TACR1: variants seen among roughly 807,000 people sequenced by gnomAD.
TACR1 encodes substance-P receptor.
TACR1 carries 25 observed loss-of-function variants against 35.8 expected under a neutral mutation model. That is an observed-to-expected ratio of 0.70 (90% CI 0.51 to 0.98). TACR1 has a LOEUF of 0.98. Among genes scored for constraint, TACR1 ranks in the 50% least tolerant of loss-of-function variants. TACR1 has a pLI of 0.00. For missense variants in TACR1, 478 were observed against 522.9 expected (o/e 0.91, Z 0.84); for synonymous variants, 195 against 206.7 (o/e 0.94, Z 0.48).
At chr2:75,114,123 A>C (rs970278069) in intron 2 of TACR1, among the ~76,000 whole-genome samples, 1 of 152,218 alleles carries the variant, frequency 6.6e-6, no homozygotes, top group African/African-American at 2.4e-5. Flanking sequence ...TAACATATTC[A>C]TATTCACTCA....
chr2:75,049,957 A>G (rs1672435578), intron 4 of TACR1, among the ~76,000 whole-genome samples: 1 of 152,230 alleles, frequency 6.6e-6, no homozygotes, highest in South Asian at 2.1e-4. Flanking sequence ...TTTATGTGAA[A>G]TACGTCTTTA....
chr2:75,167,874 A>G (rs749600998), intron 1 of TACR1, among the ~76,000 whole-genome samples: 2 of 152,218 alleles, frequency 1.3e-5, no homozygotes, highest in African/African-American at 4.8e-5. Context: ...AAATTCAAAT[A>G]GAAAAATGAT....
intron 1 of TACR1, among the ~76,000 whole-genome samples, chr2:75,121,649 A>C (rs1264678573): frequency 6.6e-6 from 1 of 151,782 alleles, no homozygotes; most frequent in African/African-American, 2.4e-5. Context: ...TGATAAGCAC[A>C]TCAATTCTGC....
intron 1 of TACR1, among the ~76,000 whole-genome samples, chr2:75,173,784 T>C (rs958877159): frequency 6.6e-6 from 1 of 152,202 alleles, no homozygotes; most frequent in Non-Finnish European, 1.5e-5. Context: ...AGAAAGAACA[T>C]CCTTTGACTT....
At chr2:75,191,624 C>T (rs1675849624) in intron 1 of TACR1, among the ~76,000 whole-genome samples, 1 of 152,132 alleles carries the variant, frequency 6.6e-6, no homozygotes, top group African/African-American at 2.4e-5. Flanking sequence ...GAGTTAGAAA[C>T]CATGGTTATT....
intron 2 of TACR1, among the ~76,000 whole-genome samples, chr2:75,100,796 AAAT>A (rs1426948514): frequency 6.6e-6 from 1 of 152,074 alleles, no homozygotes; most frequent in African/African-American, 2.4e-5. Flanking sequence ...ATAAGTCAAA[AAAT>A]AATGTTCTTG....
intron 1 of TACR1, among the ~76,000 whole-genome samples, chr2:75,157,897 G>A (rs1328631316): frequency 6.6e-6 from 1 of 152,174 alleles, no homozygotes; most frequent in Non-Finnish European, 1.5e-5. Context: ...CTAGAGACAG[G>A]GAAGTAAGAG....
intron 1 of TACR1, among the ~76,000 whole-genome samples, chr2:75,173,602 A>G (rs936437740): frequency 6.6e-6 from 1 of 152,236 alleles, no homozygotes; most frequent in Non-Finnish European, 1.5e-5. Flanking sequence ...GAAGGAATTT[A>G]GCAGCTGCCA....
intron 1 of TACR1, among the ~76,000 whole-genome samples, chr2:75,166,393 CAT>C (rs1178940181): frequency 2.0e-5 from 3 of 152,152 alleles, no homozygotes; most frequent in South Asian, 2.1e-4. Flanking sequence ...AAATATTAAA[CAT>C]ATTTTAATGT....
At chr2:75,050,535 T>G (rs1672443525) in intron 4 of TACR1, among the ~76,000 whole-genome samples, 1 of 152,190 alleles carries the variant, frequency 6.6e-6, no homozygotes, top group East Asian at 1.9e-4. Flanking sequence ...TGCCTGCTTT[T>G]GGGAGCCCTC....
At chr2:75,122,682 T>G (rs1673993209) in intron 1 of TACR1, among the ~76,000 whole-genome samples, 1 of 152,218 alleles carries the variant, frequency 6.6e-6, no homozygotes, top group Non-Finnish European at 1.5e-5. Flanking sequence ...TATAAATCTC[T>G]GGGCAAGTTT....
rs146821156 is a variant in TACR1 at position 75,171,667 on chromosome 2, C to G, written c.389+26879G>C. 4.6e-4 allele frequency among the ~76,000 whole-genome samples: 70 copies of G among 152,334 alleles called. No individual in the cohort carries two copies. In the East Asian group the frequency reaches 0.014, roughly 29 times the overall value. ...AGAGCTGCCCAAGACCATGGGAGCC[C>G]TCCTCTTGCATCAGCGTGACCTGGA... On this transcript the variant is annotated intron_variant, in intron 1 of 4. Coordinates refer to ENST00000305249, the MANE Select transcript of TACR1 (RefSeq NM_001058.4).
chr2:75,153,405 T>A (rs1179880872), intron 1 of TACR1, among the ~76,000 whole-genome samples: 1 of 147,816 alleles, frequency 6.8e-6, no homozygotes, highest in Non-Finnish European at 1.5e-5. Context: ...CCTAAGTGGG[T>A]GACTGAGCTA....
chr2:75,153,047 G>A (rs577622933), intron 1 of TACR1, among the ~76,000 whole-genome samples: 13 of 152,198 alleles, frequency 8.5e-5, no homozygotes, highest in South Asian at 2.1e-4. Flanking sequence ...GACTACAGGC[G>A]TGCACCACCA....
At chr2:75,087,708 G>C (rs1028333015) in intron 2 of TACR1, among the ~76,000 whole-genome samples, 2 of 152,170 alleles carry the variant, frequency 1.3e-5, no homozygotes, top group South Asian at 4.1e-4. Context: ...TTGGGTTTCT[G>C]TTCACTTCCT....
rs114200566 is a variant in TACR1, at chr2:75,197,517, C to G, written c.389+1029G>C. Among the ~76,000 whole-genome samples the G allele has an allele frequency of 2.6e-5, 4 of 152,264 alleles. No homozygotes were observed. In the East Asian group the frequency reaches 5.8e-4, roughly 22 times the overall value. ...TCACATCCCAGGTAAACATTTAACA[C>G]CTGTGCACACATAGACATACACATT... On this transcript the variant is annotated intron_variant, in intron 1 of 4. Coordinates refer to ENST00000305249, the MANE Select transcript of TACR1 (RefSeq NM_001058.4).
intron 1 of TACR1, among the ~76,000 whole-genome samples, chr2:75,150,842 C>T (rs1674653652): frequency 6.6e-6 from 1 of 152,100 alleles, no homozygotes; most frequent in Non-Finnish European, 1.5e-5. Flanking sequence ...ATGGTTTTGC[C>T]CAAAATGTTG....
intron 1 of TACR1, among the ~76,000 whole-genome samples, chr2:75,161,712 CTA>C (rs1675013914): frequency 6.6e-6 from 1 of 152,034 alleles, no homozygotes; most frequent in Non-Finnish European, 1.5e-5. Context: ...AGCATAGTCA[CTA>C]TTACATGAAA....
intron 3 of TACR1, among the ~76,000 whole-genome samples, 179 bp from the exon 4 acceptor site, chr2:75,051,626 T>A (rs1387224682): frequency 1.3e-4 from 20 of 152,228 alleles, no homozygotes; most frequent in African/African-American, 4.8e-4. Context: ...ACTTCGGTTA[T>A]GTCAGCTGTT....
Sources: allele counts gnomAD v4.1 joint callset (sites outside exome capture counted in the v4.1 genomes callset), GRCh38; gene constraint gnomAD v4.1.1; transcripts MANE v1.5; gene names NCBI Gene and HGNC (gene_info 2026-07-23, HGNC 2026-07-21).